BCAR3: variants seen among roughly 807,000 people sequenced by gnomAD.
BCAR3 encodes the protein breast cancer anti-estrogen resistance protein 3.
BCAR3 carries 37 observed loss-of-function variants against 80.1 expected under a neutral mutation model. That is an observed-to-expected ratio of 0.46 (90% CI 0.36 to 0.61). BCAR3 has a LOEUF of 0.61. BCAR3 is among the 20% of genes least tolerant of loss of function. The pLI is 0.00. For synonymous variants in BCAR3, 389 were observed against 418.9 expected, an observed-to-expected ratio of 0.93 and a Z score of 0.87; for missense variants, 978 against 1,068.2, an observed-to-expected ratio of 0.92 and a Z score of 1.18.
At chr1:93,699,111 A>C (rs1214217852) in intron 3 of BCAR3, among the ~76,000 whole-genome samples, 1 of 152,198 alleles carries the variant, frequency 6.6e-6, no homozygotes. Flanking sequence ...CCTGTAAAAC[A>C]AGTATCATTA....
chr1:93,768,143 G>A (rs181539704), intron 2 of BCAR3, among the ~76,000 whole-genome samples: 126 of 152,298 alleles, frequency 8.3e-4, no homozygotes, highest in Non-Finnish European at 5.4e-4. Flanking sequence ...TGTCGGATTA[G>A]AGTCAATGGC....
intron 3 of BCAR3, among the ~76,000 whole-genome samples, chr1:93,609,768 C>G (rs1055564155): frequency 1.3e-5 from 2 of 152,164 alleles, no homozygotes; most frequent in Non-Finnish European, 2.9e-5. Context: ...CTGCCCACAC[C>G]GGGGTACTCC....
At chr1:93,608,495 C>G (rs373868772) in intron 3 of BCAR3, among the ~76,000 whole-genome samples, 1 of 152,224 alleles carries the variant, frequency 6.6e-6, no homozygotes, top group Non-Finnish European at 1.5e-5. Context: ...CCTTTGTGGT[C>G]GGAGCACACC....
At chr1:93,803,152 C>T (rs1653546921) in intron 2 of BCAR3, among the ~76,000 whole-genome samples, 1 of 152,130 alleles carries the variant, frequency 6.6e-6, no homozygotes, top group African/African-American at 2.4e-5. Context: ...AAATTACATG[C>T]CATGAGGGAT....
intron 2 of BCAR3, among the ~76,000 whole-genome samples, chr1:93,721,958 G>A (rs886365169): frequency 2.0e-5 from 3 of 152,230 alleles, no homozygotes; most frequent in Non-Finnish European, 2.9e-5. Flanking sequence ...TGCATCACAA[G>A]TGCTCAGTAA....
chr1:93,571,935 A>G, intron 8 of BCAR3, 94 bp from the exon 9 acceptor site: 1 of 1,399,294 alleles, frequency 7.1e-7, no homozygotes, highest in Non-Finnish European at 9.7e-7. Flanking sequence ...TTTTTGTGCC[A>G]TTTGCTCCTT....
intron 2 of BCAR3, among the ~76,000 whole-genome samples, chr1:93,642,943 A>G (rs948887087): frequency 1.3e-5 from 2 of 152,068 alleles, no homozygotes; most frequent in Non-Finnish European, 1.5e-5. Context: ...ATTCCCCCAT[A>G]TGGGCCAGGT....
intron 2 of BCAR3, among the ~76,000 whole-genome samples, chr1:93,790,548 C>T (rs1653107218): frequency 6.7e-6 from 1 of 149,780 alleles, no homozygotes; most frequent in South Asian, 2.1e-4. Flanking sequence ...CAGTAGTGCA[C>T]TAAATGGCAG....
intron 3 of BCAR3, among the ~76,000 whole-genome samples, chr1:93,610,879 C>T (rs753621262): frequency 6.6e-6 from 1 of 151,520 alleles, no homozygotes; most frequent in African/African-American, 2.4e-5. Flanking sequence ...TGTAGTGAGC[C>T]GAGATCACGC....
intron 2 of BCAR3, among the ~76,000 whole-genome samples, chr1:93,788,042 C>CT (rs1231432936): frequency 6.6e-6 from 1 of 152,174 alleles, no homozygotes; most frequent in African/African-American, 2.4e-5. Flanking sequence ...TCCTGTTGGA[C>CT]TAATCCTTTT....
At chr1:93,786,192 CAAAAAAAAAAA>C (rs61644309) in intron 2 of BCAR3, among the ~76,000 whole-genome samples, 4 of 23,248 alleles carry the variant, frequency 1.7e-4, no homozygotes, top group Non-Finnish European at 2.1e-4. Flanking sequence ...GACTCCGTCT[CAAAAAAAAAAA>C]AAAAAAAAAA....
intron 2 of BCAR3, among the ~76,000 whole-genome samples, chr1:93,817,207 A>G (rs1311205274): frequency 6.6e-6 from 1 of 152,180 alleles, no homozygotes; most frequent in Non-Finnish European, 1.5e-5. Flanking sequence ...CTTATATGTG[A>G]GCAGGCACTT....
chr1:93,708,656 CT>C (rs1344124841), intron 2 of BCAR3, among the ~76,000 whole-genome samples: 1 of 152,176 alleles, frequency 6.6e-6, no homozygotes, highest in Non-Finnish European at 1.5e-5. Flanking sequence ...TCAGTTCACT[CT>C]TCAATCTTTT....
At chr1:93,804,183 T>G (rs1442304624) in intron 2 of BCAR3, among the ~76,000 whole-genome samples, 1 of 152,192 alleles carries the variant, frequency 6.6e-6, no homozygotes, top group Admixed American at 6.5e-5. Context: ...TTTTTAATTT[T>G]GGCAAACTCC....
chr1:93,680,680 G>C (rs55670441), intron 1 of BCAR3, among the ~76,000 whole-genome samples: 2,332 of 152,304 alleles, frequency 0.015, 62 homozygotes, highest in African/African-American at 0.052. Context: ...TCAGCTAACA[G>C]CTTTAAGCGA....
intron 2 of BCAR3, among the ~76,000 whole-genome samples, chr1:93,717,348 A>T (rs1032697210): frequency 2.6e-4 from 39 of 152,210 alleles, no homozygotes; most frequent in Admixed American, 7.2e-4. Context: ...GTTGCCTTGA[A>T]CAACTAAATT....
intron 2 of BCAR3, among the ~76,000 whole-genome samples, chr1:93,737,528 C>T (rs1260300875): frequency 6.6e-6 from 1 of 152,172 alleles, no homozygotes; most frequent in Non-Finnish European, 1.5e-5. Context: ...AGCAAGGAGA[C>T]AGGCACAGGA....
intron 5 of BCAR3, chr1:93,585,238 C>G: frequency 1.0e-6 from 1 of 983,672 alleles, no homozygotes; most frequent in Non-Finnish European, 1.2e-6. Context: ...GACGTCAGGG[C>G]AGGTGGCACC....
At chr1:93,664,274 C>T (rs765329729) in intron 2 of BCAR3, among the ~76,000 whole-genome samples, 7 of 152,198 alleles carry the variant, frequency 4.6e-5, no homozygotes, top group Non-Finnish European at 8.8e-5. Flanking sequence ...CATGCACCAC[C>T]ACGCCCAGCT....
Sources: gnomAD v4.1 joint callset for allele counts (sites outside exome capture counted in the v4.1 genomes callset) on GRCh38, gnomAD v4.1.1 for gene constraint, MANE v1.5 for transcripts, NCBI Gene and HGNC (gene_info 2026-07-23, HGNC 2026-07-21) for gene names.